The following PDE8A variants were observed in gnomAD, a reference collection of about 807,000 sequenced individuals.
The protein encoded by PDE8A is high affinity cAMP-specific and IBMX-insensitive 3',5'-cyclic phosphodiesterase 8A.
PDE8A carries 59 observed loss-of-function variants against 105.0 expected under a neutral mutation model. The ratio of observed to expected loss-of-function variants is 0.56; its 90% CI spans 0.46 to 0.70. The LOEUF is 0.70. Ranked by LOEUF, PDE8A falls within the 30% of genes least tolerant of loss-of-function variation. The pLI is 0.00. For synonymous variants in PDE8A, 355 were observed against 371.9 expected (o/e 0.95, Z 0.52); for missense variants, 1,014 against 1,045.9 (o/e 0.97, Z 0.42).
At position 85,076,946 on chromosome 15, in the gene PDE8A, C is replaced by T. The variant is rs28380121; in HGVS notation, c.546+159C>T. Among the ~76,000 whole-genome samples the T allele has an allele frequency of 4.5e-3, 683 of 152,072 alleles. 2 individuals are homozygous for T. Among genetic ancestry groups the T allele is most frequent in the African/African-American group, 0.015 (642 of 41,446 alleles). On this transcript the variant is annotated intron_variant, in intron 5 of 21. Transcript: ENST00000394553. Reference sequence around the variant, plus strand: ...CTGTAATCCCAGCACTTTGGGAGGTCGAGGTAGGAGGACCCCTTGGGCCCA... The same window carrying T: ...CTGTAATCCCAGCACTTTGGGAGGTTGAGGTAGGAGGACCCCTTGGGCCCA...
At chr15:84,991,919 A>G (rs1244328272) in intron 1 of PDE8A, among the ~76,000 whole-genome samples, 3 of 152,298 alleles carry the variant, frequency 2.0e-5, no homozygotes, top group South Asian at 2.1e-4. Context: ...AGGCCGAGGC[A>G]GGAGGATTAC....
chr15:85,105,849 A>T (rs1477651857), intron 11 of PDE8A, among the ~76,000 whole-genome samples: 1 of 152,148 alleles, frequency 6.6e-6, no homozygotes, highest in Admixed American at 6.5e-5. Flanking sequence ...AGGAGCTGGT[A>T]GTCTCATTGG....
chr15:85,097,799 T>C, intron 8 of PDE8A, 149 bp from the exon 9 acceptor site: 1 of 603,772 alleles, frequency 1.7e-6, no homozygotes, highest in Non-Finnish European at 3.0e-6. Context: ...AAGAAAGAAT[T>C]GTCCTATTAC....
chr15:85,028,026 T>G (rs1253083593), intron 1 of PDE8A, among the ~76,000 whole-genome samples: 1 of 152,248 alleles, frequency 6.6e-6, no homozygotes. Flanking sequence ...TGGCAACATT[T>G]AACTGTGGTA....
chr15:85,040,908 A>G (rs1173710944), intron 1 of PDE8A, among the ~76,000 whole-genome samples: 1 of 148,392 alleles, frequency 6.7e-6, no homozygotes, highest in Admixed American at 6.7e-5. Flanking sequence ...TGTAGATCTC[A>G]TTGTCTTTAT....
intron 1 of PDE8A, chr15:85,063,301 A>G (rs2081173955): frequency 6.6e-6 from 1 of 152,194 alleles, no homozygotes; most frequent in South Asian, 2.1e-4. Flanking sequence ...CAGTTGGGAA[A>G]CATTTTGTAG....
rs1020340635 is a variant in PDE8A, at chr15:85,126,146, A to T, written c.2086-61A>T. 8 of 1,262,842 alleles carry T rather than the reference A, an allele frequency of 6.3e-6. No homozygotes were observed. In the East Asian group the frequency reaches 1.9e-4, roughly 30 times the overall value. The allele number at this position is 1,262,842 out of a possible 1,614,324, so 78.2% of individuals were successfully genotyped here. On this transcript the variant is annotated intron_variant, in intron 19 of 21. Coordinates refer to ENST00000394553, the MANE Select transcript of PDE8A (RefSeq NM_002605.3). ...TATGCTTACAGTGGGACAGACCAGTAAGAGAGGGCTTGGCACCAAGGGATC... is the reference window on the plus strand; with the variant it reads ...TATGCTTACAGTGGGACAGACCAGTTAGAGAGGGCTTGGCACCAAGGGATC...
At chr15:85,013,679 A>G (rs1346302637) in intron 1 of PDE8A, among the ~76,000 whole-genome samples, 1 of 152,246 alleles carries the variant, frequency 6.6e-6, no homozygotes, top group Non-Finnish European at 1.5e-5. Context: ...TAAAACAGTA[A>G]TAAGCATTTA....
chr15:85,093,174 A>G (rs66810534), intron 8 of PDE8A, among the ~76,000 whole-genome samples: 14,201 of 152,208 alleles, frequency 0.093, 1,803 homozygotes, highest in African/African-American at 0.29. Context: ...AAGTTTTGGG[A>G]TTACAGGTGT....
intron 1 of PDE8A, among the ~76,000 whole-genome samples, chr15:85,033,070 T>C (rs545481487): frequency 6.6e-6 from 1 of 152,244 alleles, no homozygotes; most frequent in Non-Finnish European, 1.5e-5. Flanking sequence ...TTTGAAGAAA[T>C]TGGGAGATAT....
At chr15:85,064,195 G>A (rs984196695) in intron 1 of PDE8A, 175 bp from the exon 2 acceptor site, 1 of 504,824 alleles carries the variant, frequency 2.0e-6, no homozygotes, top group African/African-American at 2.0e-5. Flanking sequence ...TTTTCCTGGG[G>A]GCTATAAGGA....
chr15:85,025,882 C>T (rs1567235566), intron 1 of PDE8A, among the ~76,000 whole-genome samples: 3 of 152,304 alleles, frequency 2.0e-5, no homozygotes, highest in Non-Finnish European at 2.9e-5. Flanking sequence ...GTGAGTCTCA[C>T]GCCTTTTTGA....
chr15:85,095,599 C>T lies in PDE8A; in HGVS notation c.853-2349C>T, dbSNP rs896303472. Among the ~76,000 whole-genome samples, 206 of 152,244 alleles carry T rather than the reference C, an allele frequency of 1.4e-3. 1 individual carries two copies. The highest frequency in any genetic ancestry group is 4.5e-3 in the African/African-American group (189 of 41,552). On this transcript the variant is annotated intron_variant, in intron 8 of 21. Coordinates refer to ENST00000394553, the MANE Select transcript of PDE8A (RefSeq NM_002605.3). ...GACCTCGTGATCTGCCTGCCTCGGC[C>T]TCCAGAAGTGCTGGGATTACAGGCG...
Position 85,076,746 on chromosome 15 carries a change from G to C in PDE8A, c.505G>C (p.Glu169Gln), listed in dbSNP as rs756130346. ...VGVVRRVDRE[E>Q]LSVMPFISAG... ...GTTATTTTGAAGGGTGGATAGAGAA[G>C]AGTTGTCCGTAATGCCTTTCATTTC... The change falls in exon 5 of 22, where the codon GAG (glutamate) becomes CAG (glutamine). Residue 169 changes from glutamate (E) to glutamine (Q), a missense_variant. By Grantham distance (29) the Glu-to-Gln change is conservative. Transcript: ENST00000394553. 6.3e-7 allele frequency: 1 copy of C among 1,596,656 alleles called. No individual in the cohort carries two copies. The highest frequency in any genetic ancestry group is 8.6e-7 in the Non-Finnish European group (1 of 1,164,116).
chr15:85,079,348 A>T (rs1259635413), intron 5 of PDE8A, among the ~76,000 whole-genome samples: 1 of 152,220 alleles, frequency 6.6e-6, no homozygotes, highest in Non-Finnish European at 1.5e-5. Context: ...TGAGCCCAAG[A>T]AGTATTCATC....
chr15:85,091,039 T>G lies in PDE8A; in HGVS notation c.715-5T>G. On this transcript the variant is annotated splice_polypyrimidine_tract_variant and splice_region_variant and intron_variant, in intron 7 of 21. Coordinates refer to ENST00000394553, the MANE Select transcript of PDE8A (RefSeq NM_002605.3). ...CTTTATGTTTTTTCTTTTGTCTCCC[T>G]TCAGTATGCAAATCCTGCATTTGAA... is the stretch of plus-strand genomic sequence containing the variant. 2 of 1,603,462 alleles carry G rather than the reference T, an allele frequency of 1.2e-6. No individual in the cohort carries two copies. Among genetic ancestry groups the G allele is most frequent in the Non-Finnish European group, 1.7e-6 (2 of 1,175,572 alleles).
intron 1 of PDE8A, chr15:85,063,381 A>T (rs1308858977): frequency 6.6e-6 from 1 of 152,152 alleles, no homozygotes; most frequent in Admixed American, 6.5e-5. Context: ...CCAGATTGGG[A>T]TCTCATCAAC....
chr15:85,100,036 C>T lies in PDE8A; in HGVS notation c.963C>T (p.Ser321=). Reference sequence around the variant, plus strand: ...GCAGAAAAATTAGACACTATGTGTCCATTATCAGAGTGTGCAATGGCAACA... The same window carrying T: ...GCAGAAAAATTAGACACTATGTGTCTATTATCAGAGTGTGCAATGGCAACA... The part of the protein sequence containing the change: ...GQGGKIRHYV[S]IIRVCNGNNK... Residue 321 remains serine (S), a synonymous_variant, in exon 10 of 22, where the codon TCC becomes TCT. Transcript: ENST00000394553. 1.1e-5 allele frequency: 17 copies of T among 1,613,112 alleles called. No homozygotes were observed. The highest frequency in any genetic ancestry group is 1.4e-5 in the Non-Finnish European group (17 of 1,179,536).
intron 6 of PDE8A, among the ~76,000 whole-genome samples, chr15:85,088,188 C>T (rs1382880983): frequency 6.6e-6 from 1 of 151,914 alleles, no homozygotes; most frequent in Non-Finnish European, 1.5e-5. Flanking sequence ...CCTTGCTAAT[C>T]TTTTTTTTGT....
Sources: allele counts gnomAD v4.1 joint callset (sites outside exome capture counted in the v4.1 genomes callset), GRCh38; gene constraint gnomAD v4.1.1; transcripts MANE v1.5; gene names NCBI Gene and HGNC (gene_info 2026-07-23, HGNC 2026-07-21).